Variants in MDGA2 observed in about 807,000 individuals in gnomAD.
The protein encoded by MDGA2 is MAM domain-containing glycosylphosphatidylinositol anchor protein 2.
In MDGA2, 40 loss-of-function variants were observed where a neutral mutation model predicts 117.8. That is an observed-to-expected ratio of 0.34 (90% CI 0.26 to 0.44). The LOEUF is 0.44. Ranked by LOEUF, MDGA2 falls within the 20% of genes least tolerant of loss-of-function variation. The probability of loss-of-function intolerance (pLI) is 1.00; values close to 1 mark genes in which losing one functional copy is unlikely to be tolerated. For missense variants in MDGA2, 1,123 were observed against 1,250.6 expected, an observed-to-expected ratio of 0.90 and a Z score of 1.54; for synonymous variants, 452 against 439.0, an observed-to-expected ratio of 1.03 and a Z score of -0.37.
intron 8 of MDGA2, among the ~76,000 whole-genome samples, chr14:47,001,631 C>T (rs1297688435): frequency 1.3e-5 from 2 of 151,940 alleles, no homozygotes; most frequent in African/African-American, 4.8e-5. Context: ...GAGGTAGTGA[C>T]CTGAACAAAT....
chr14:46,848,678 A>C, intron 15 of MDGA2, among the ~76,000 whole-genome samples: 1 of 151,656 alleles, frequency 6.6e-6, no homozygotes. Context: ...CAGAGCAGTG[A>C]AATTGTGAAA....
intron 1 of MDGA2, among the ~76,000 whole-genome samples, chr14:47,466,807 T>C (rs565259620): frequency 6.6e-6 from 1 of 151,798 alleles, no homozygotes; most frequent in Non-Finnish European, 1.5e-5. Context: ...GATAATATAT[T>C]ACTCTCATGT....
intron 2 of MDGA2, among the ~76,000 whole-genome samples, chr14:47,275,933 C>T (rs1233714970): frequency 1.3e-5 from 2 of 152,042 alleles, no homozygotes; most frequent in Admixed American, 6.6e-5. Context: ...CATCACTTGC[C>T]ATCTCTACAT....
chr14:47,152,792 C>T (rs1883212737), intron 3 of MDGA2, among the ~76,000 whole-genome samples: 1 of 151,960 alleles, frequency 6.6e-6, no homozygotes, highest in Admixed American at 6.6e-5. Context: ...ACAGTAAAGG[C>T]TACCTGAAAA....
At chr14:46,950,984 T>C (rs921246587) in intron 9 of MDGA2, among the ~76,000 whole-genome samples, 1 of 151,982 alleles carries the variant, frequency 6.6e-6, no homozygotes, top group Non-Finnish European at 1.5e-5. Flanking sequence ...CTATATTCCT[T>C]TAACATCTTG....
chr14:46,987,069 T>C (rs1886887124), intron 8 of MDGA2, among the ~76,000 whole-genome samples: 1 of 152,128 alleles, frequency 6.6e-6, no homozygotes, highest in African/African-American at 2.4e-5. Flanking sequence ...ATATTGGTAG[T>C]AATAACAGTT....
At chr14:46,881,043 A>ACAC (rs1555331347) in intron 11 of MDGA2, among the ~76,000 whole-genome samples, 2 of 98,890 alleles carry the variant, frequency 2.0e-5, no homozygotes, top group African/African-American at 2.9e-5. Context: ...CACACACACA[A>ACAC]ACATTTAGCA....
Position 47,366,620 on chromosome 14 carries a change from G to A in MDGA2, c.281-65070C>T, listed in dbSNP as rs543710963. Among the ~76,000 whole-genome samples the A allele has an allele frequency of 1.6e-4, 24 of 151,946 alleles. No individual in the cohort carries two copies. The East Asian group carries it at 4.1e-3, about 26-fold the overall frequency. On this transcript the variant is annotated intron_variant, in intron 1 of 16. Coordinates refer to ENST00000399232, the MANE Select transcript of MDGA2 (RefSeq NM_001113498.3). The stretch of plus-strand genomic sequence containing the variant: ...ATAAAAGGGACAGTATAACATATTC[G>A]TCTGTTACAAAAAATATGTACTATA...
chr14:47,121,370 A>T (rs1019566089), intron 5 of MDGA2, among the ~76,000 whole-genome samples: 1 of 152,092 alleles, frequency 6.6e-6, no homozygotes, highest in Non-Finnish European at 1.5e-5. Flanking sequence ...TACTCACTCT[A>T]ACATGCATAA....
At chr14:46,926,069 G>T (rs1211266810) in intron 9 of MDGA2, among the ~76,000 whole-genome samples, 3 of 152,088 alleles carry the variant, frequency 2.0e-5, no homozygotes, top group East Asian at 1.9e-4. Flanking sequence ...GCAGAATACA[G>T]GAAAAATATG....
chr14:47,095,165 A>C (rs1404928098), intron 6 of MDGA2, among the ~76,000 whole-genome samples: 1 of 152,026 alleles, frequency 6.6e-6, no homozygotes, highest in East Asian at 1.9e-4. Flanking sequence ...TGAAATAAAG[A>C]GCACATTTCA....
chr14:47,200,537 T>TTC, intron 3 of MDGA2: 3 of 525,746 alleles, frequency 5.7e-6, no homozygotes, highest in South Asian at 5.9e-5. Flanking sequence ...TTCTTTTCTT[T>TTC]TTTTTTTTTT....
intron 10 of MDGA2, among the ~76,000 whole-genome samples, chr14:46,904,357 C>CAAAAAA (rs5808366): frequency 1.4e-5 from 1 of 73,862 alleles, no homozygotes. Flanking sequence ...GACTCTGTCT[C>CAAAAAA]AAAAAAAAAA....
At chr14:47,369,016 A>C (rs1275009879) in intron 1 of MDGA2, among the ~76,000 whole-genome samples, 1 of 152,162 alleles carries the variant, frequency 6.6e-6, no homozygotes, top group Non-Finnish European at 1.5e-5. Context: ...GATACTACAA[A>C]AATTACAAAA....
chr14:47,150,055 C>A (rs180972913), intron 3 of MDGA2, among the ~76,000 whole-genome samples: 1 of 152,130 alleles, frequency 6.6e-6, no homozygotes, highest in Non-Finnish European at 1.5e-5. Flanking sequence ...GGGGTTCTAT[C>A]CCGAGAAGGG....
At chr14:47,082,289 C>A (rs1890735349) in intron 6 of MDGA2, among the ~76,000 whole-genome samples, 1 of 148,742 alleles carries the variant, frequency 6.7e-6, no homozygotes, top group African/African-American at 2.5e-5. Context: ...TATCAGATAT[C>A]AGTTCAGGCA....
intron 9 of MDGA2, among the ~76,000 whole-genome samples, chr14:46,930,623 G>A (rs565108439): frequency 2.0e-5 from 3 of 152,096 alleles, no homozygotes; most frequent in Non-Finnish European, 4.4e-5. Context: ...TACTTGAAAT[G>A]AGAAAGAGTT....
intron 10 of MDGA2, among the ~76,000 whole-genome samples, chr14:46,888,608 A>AT (rs1406536709): frequency 6.6e-6 from 1 of 151,850 alleles, no homozygotes; most frequent in African/African-American, 2.4e-5. Context: ...AAACATGTTA[A>AT]TTTTTTCTCT....
intron 14 of MDGA2, among the ~76,000 whole-genome samples, chr14:46,857,532 G>GTCTTTA (rs71112464): frequency 6.6e-6 from 1 of 151,114 alleles, no homozygotes. Flanking sequence ...ATTTCCCTTT[G>GTCTTTA]GTTTGCAGTA....
Sources: gnomAD v4.1 joint callset for allele counts (sites outside exome capture counted in the v4.1 genomes callset) on GRCh38, gnomAD v4.1.1 for gene constraint, MANE v1.5 for transcripts, NCBI Gene and HGNC (gene_info 2026-07-23, HGNC 2026-07-21) for gene names.